MECOM: variants seen among roughly 807,000 people sequenced by gnomAD.
The protein encoded by MECOM is histone-lysine N-methyltransferase MECOM.
MECOM carries 13 observed loss-of-function variants against 116.3 expected under a neutral mutation model. The ratio of observed to expected loss-of-function variants is 0.11; its 90% confidence interval spans 0.07 to 0.18. The LOEUF is 0.18. MECOM is among the 10% of genes least tolerant of loss of function. The probability of loss-of-function intolerance (pLI) is 1.00; values close to 1 mark genes in which losing one functional copy is unlikely to be tolerated. For synonymous variants in MECOM, 528 were observed against 535.2 expected, an observed-to-expected ratio of 0.99 and a Z score of 0.19; for missense variants, 1,299 against 1,509.0, an observed-to-expected ratio of 0.86 and a Z score of 2.31.
chr3:169,416,189 T>C (rs1042874279), intron 1 of MECOM, among the ~76,000 whole-genome samples: 2 of 152,126 alleles, frequency 1.3e-5, no homozygotes, highest in Non-Finnish European at 2.9e-5. Flanking sequence ...CCAACCACAG[T>C]GCAATCAAAT....
At chr3:169,091,958 A>T (rs1396877661) in intron 14 of MECOM, among the ~76,000 whole-genome samples, 1 of 152,134 alleles carries the variant, frequency 6.6e-6, no homozygotes, top group Non-Finnish European at 1.5e-5. Flanking sequence ...TTTGAAATTT[A>T]CAATGTAGCA....
intron 1 of MECOM, among the ~76,000 whole-genome samples, chr3:169,383,574 C>T (rs79907687): frequency 6.6e-6 from 1 of 152,188 alleles, no homozygotes; most frequent in East Asian, 1.9e-4. Flanking sequence ...CACATTTTCA[C>T]ACCTAAATAT....
intron 1 of MECOM, among the ~76,000 whole-genome samples, chr3:169,660,976 C>A (rs1274657799): frequency 6.6e-6 from 1 of 152,124 alleles, no homozygotes; most frequent in Non-Finnish European, 1.5e-5. Flanking sequence ...AAAGCGGCAG[C>A]GGCATCCTTA....
At chr3:169,569,267 A>G (rs1289725545) in intron 1 of MECOM, among the ~76,000 whole-genome samples, 2 of 152,224 alleles carry the variant, frequency 1.3e-5, no homozygotes, top group African/African-American at 2.4e-5. Context: ...ATAATGGTAA[A>G]GAGATCAATG....
At chr3:169,325,399 C>T (rs986345216) in intron 2 of MECOM, among the ~76,000 whole-genome samples, 21 of 152,164 alleles carry the variant, frequency 1.4e-4, no homozygotes, top group African/African-American at 4.8e-4. Flanking sequence ...AAGTATCTAC[C>T]TCTCACCACC....
At chr3:169,591,651 A>G (rs1485710267) in intron 1 of MECOM, among the ~76,000 whole-genome samples, 2 of 151,470 alleles carry the variant, frequency 1.3e-5, no homozygotes, top group Non-Finnish European at 2.9e-5. Context: ...CTAATCACCT[A>G]TTTCACTTGA....
intron 2 of MECOM, among the ~76,000 whole-genome samples, chr3:169,182,040 C>A (rs757819740): frequency 5.9e-5 from 9 of 152,060 alleles, no homozygotes; most frequent in Non-Finnish European, 1.2e-4. Flanking sequence ...AGCTAAATAA[C>A]AAGATGAAGG....
chr3:169,463,047 A>T (rs898305689), intron 1 of MECOM, among the ~76,000 whole-genome samples: 4 of 152,198 alleles, frequency 2.6e-5, no homozygotes, highest in African/African-American at 9.6e-5. Context: ...TAAGCTAATG[A>T]AGCACTTGGA....
intron 2 of MECOM, among the ~76,000 whole-genome samples, chr3:169,155,598 C>T (rs201696874): frequency 6.6e-6 from 1 of 152,052 alleles, no homozygotes; most frequent in African/African-American, 2.4e-5. Flanking sequence ...GAGCAAAAAA[C>T]AGAAGAAAAA....
chr3:169,433,512 AG>A (rs1741997622), intron 1 of MECOM, among the ~76,000 whole-genome samples: 2 of 151,348 alleles, frequency 1.3e-5, no homozygotes, highest in African/African-American at 4.9e-5. Flanking sequence ...AAGAAAGAAA[AG>A]AAAGACAAAC....
rs1424384545 is a variant in MECOM at position 169,483,579 on chromosome 3, A to C, written c.38-102055T>G. ...GACTATGATTTCCAATTTTCTGTTC[A>C]ATCCACACTGCAGAGATACAAGGAT... On this transcript the variant is annotated intron_variant, in intron 1 of 16. Coordinates refer to ENST00000651503, the MANE Select transcript of MECOM (RefSeq NM_004991.4). The C allele has an allele frequency of 6.8e-5, 58 of 851,628 alleles. No individual in the cohort carries two copies. The South Asian group carries it at 1.0e-3, about 15-fold the overall frequency. 52.8% of individuals were successfully genotyped at this position (851,628 alleles called of 1,614,324 possible). A position where few individuals can be genotyped will look rare whatever the true frequency, so the allele number is the denominator to read the frequency against.
At chr3:169,303,796 CTT>C (rs1717196722) in intron 2 of MECOM, among the ~76,000 whole-genome samples, 1 of 152,178 alleles carries the variant, frequency 6.6e-6, no homozygotes, top group Non-Finnish European at 1.5e-5. Context: ...CACTAAATGA[CTT>C]TGTTTATTGG....
intron 6 of MECOM, among the ~76,000 whole-genome samples, chr3:169,121,978 T>A (rs1051060642): frequency 2.0e-5 from 3 of 152,084 alleles, no homozygotes; most frequent in African/African-American, 7.2e-5. Flanking sequence ...CATCTTTGAG[T>A]TAATCAAGAA....
intron 2 of MECOM, among the ~76,000 whole-genome samples, chr3:169,241,235 C>T (rs757281288): frequency 2.0e-5 from 3 of 151,938 alleles, no homozygotes; most frequent in Admixed American, 6.6e-5. Flanking sequence ...AAGGGGAGAA[C>T]GTAAATTTGT....
At chr3:169,416,662 C>T (rs1170810419) in intron 1 of MECOM, among the ~76,000 whole-genome samples, 1 of 151,336 alleles carries the variant, frequency 6.6e-6, no homozygotes, top group African/African-American at 2.4e-5. Context: ...AAAAGAGAGA[C>T]AAATCAAATA....
At chr3:169,316,823 G>C (rs940988823) in intron 2 of MECOM, among the ~76,000 whole-genome samples, 1 of 152,200 alleles carries the variant, frequency 6.6e-6, no homozygotes, top group Non-Finnish European at 1.5e-5. Context: ...AAATTGCAGG[G>C]ATTATAGGCA....
chr3:169,360,319 C>CAAAA, intron 2 of MECOM, among the ~76,000 whole-genome samples: 17 of 87,844 alleles, frequency 1.9e-4, no homozygotes, highest in Non-Finnish European at 2.6e-4. Flanking sequence ...AAAGTTACAC[C>CAAAA]AAAAAAAAAA....
chr3:169,313,607 G>C (rs1209053945), intron 2 of MECOM, among the ~76,000 whole-genome samples: 2 of 152,212 alleles, frequency 1.3e-5, no homozygotes, highest in East Asian at 3.9e-4. Context: ...ACAGATACAG[G>C]AGGCTTGGTT....
chr3:169,655,714 T>G (rs1018858295), intron 1 of MECOM, among the ~76,000 whole-genome samples: 1 of 152,022 alleles, frequency 6.6e-6, no homozygotes, highest in Non-Finnish European at 1.5e-5. Flanking sequence ...TGAGAAGACA[T>G]ACAAAATGCT....
Sources: gnomAD v4.1 joint callset for allele counts (sites outside exome capture counted in the v4.1 genomes callset) on GRCh38, gnomAD v4.1.1 for gene constraint, MANE v1.5 for transcripts, NCBI Gene and HGNC (gene_info 2026-07-23, HGNC 2026-07-21) for gene names.